The following PRDM6 variants were observed in gnomAD, a reference collection of about 807,000 sequenced individuals.
PRDM6 encodes PR/SET domain 6.
In PRDM6, 25 loss-of-function variants were observed where a neutral mutation model predicts 60.8. The observed-to-expected ratio is 0.41, with a 90% confidence interval of 0.30 to 0.57. PRDM6 has a LOEUF of 0.57. Among genes scored for constraint, PRDM6 ranks in the 20% least tolerant of loss-of-function variants. The probability of loss-of-function intolerance (pLI) is 0.27; values close to 1 mark genes in which losing one functional copy is unlikely to be tolerated. For synonymous variants in PRDM6, 407 were observed against 357.4 expected, an observed-to-expected ratio of 1.14 and a Z score of -1.57; for missense variants, 839 against 821.3, an observed-to-expected ratio of 1.02 and a Z score of -0.26.
chr5:123,125,661 G>T (rs943454346), intron 3 of PRDM6, among the ~76,000 whole-genome samples: 9 of 152,218 alleles, frequency 5.9e-5, no homozygotes, highest in African/African-American at 2.2e-4. Flanking sequence ...TAAGGAAGAA[G>T]TTACCTTGTA....
At chr5:123,109,233 G>A (rs941584818) in intron 3 of PRDM6, among the ~76,000 whole-genome samples, 3 of 152,116 alleles carry the variant, frequency 2.0e-5, no homozygotes, top group African/African-American at 7.2e-5. Context: ...GCTTTTTAAG[G>A]TAGGGAGACA....
intron 3 of PRDM6, among the ~76,000 whole-genome samples, chr5:123,110,990 A>G (rs1009699757): frequency 6.6e-6 from 1 of 152,268 alleles, no homozygotes. Flanking sequence ...CATGATCTGC[A>G]TATCAGCTCT....
At chr5:123,138,886 T>C (rs1765033047) in intron 3 of PRDM6, among the ~76,000 whole-genome samples, 1 of 152,208 alleles carries the variant, frequency 6.6e-6, no homozygotes, top group African/African-American at 2.4e-5. Context: ...TGATATGGTT[T>C]TGCTCTGTGT....
intron 3 of PRDM6, among the ~76,000 whole-genome samples, chr5:123,122,106 T>C (rs1764594199): frequency 1.5e-5 from 2 of 129,576 alleles, no homozygotes; most frequent in South Asian, 4.8e-4. Context: ...GAGTTTGCAG[T>C]GAGCCGAGAT....
rs1213483385 is a variant in PRDM6, at chr5:123,190,130, T to C, written c.*2929T>C. On this transcript the variant is annotated 3_prime_UTR_variant, in exon 8 of 8. Transcript: ENST00000407847. ...AGAAAGGTAGTCTGTCAGAGCTGAA[T>C]CAGGGTTTGGCTCTTGAAGCAATCC... is the stretch of plus-strand genomic sequence containing the variant. The C allele has an allele frequency of 6.6e-6, 1 of 152,228 alleles. No individual in the cohort carries two copies. Among genetic ancestry groups the C allele is most frequent in the Admixed American group, 6.5e-5 (1 of 15,274 alleles). The allele number at this position is 152,228 out of a possible 1,614,324, so 9.4% of individuals were successfully genotyped here.
intron 7 of PRDM6, among the ~76,000 whole-genome samples, chr5:123,185,667 C>G (rs1005966227): frequency 1.3e-5 from 2 of 152,218 alleles, no homozygotes; most frequent in African/African-American, 4.8e-5. Context: ...GTTCTTCCCC[C>G]TGACACACTC....
rs73796827 is a variant in PRDM6 at position 123,104,242 on chromosome 5, T to C, written c.900+4281T>C. On this transcript the variant is annotated intron_variant, in intron 3 of 7. Transcript: ENST00000407847. ...TATTACACATTGCTAAATGTTTATA[T>C]TTCAAAACCATCATAGGTAATTGGT... Among the ~76,000 whole-genome samples the C allele has an allele frequency of 6.0e-3, 912 of 152,232 alleles. 10 individuals are homozygous for C. Among genetic ancestry groups the C allele is most frequent in the African/African-American group, 0.02 (845 of 41,558 alleles).
chr5:123,158,701 C>T (rs1472906040), intron 4 of PRDM6, among the ~76,000 whole-genome samples: 2 of 152,136 alleles, frequency 1.3e-5, no homozygotes, highest in Admixed American at 1.3e-4. Flanking sequence ...CTGCTACAGC[C>T]AATTCCTTAC....
intron 3 of PRDM6, among the ~76,000 whole-genome samples, chr5:123,116,808 G>A (rs553470804): frequency 1.3e-5 from 2 of 152,194 alleles, no homozygotes; most frequent in South Asian, 4.2e-4. Context: ...AATAGACTGG[G>A]GAGAAATAGT....
chr5:123,111,707 CA>C lies in PRDM6; in HGVS notation c.900+11756del, dbSNP rs70988559. Among the ~76,000 whole-genome samples, 955 of 103,880 alleles carry C rather than the reference CA, an allele frequency of 9.2e-3. 9 individuals are homozygous for C. The highest frequency in any genetic ancestry group is 0.029 in the African/African-American group (906 of 31,490). The allele number at this position is 103,880 out of a possible 152,430, so 68.1% of individuals were successfully genotyped here. ...AGCGAGAAAACAAAACAAAACAAAA[CA>C]AAAAAAAAACAAAATGCCAGTCTCG... On this transcript the variant is annotated intron_variant, in intron 3 of 7. Coordinates refer to ENST00000407847, the MANE Select transcript of PRDM6 (RefSeq NM_001136239.4).
At chr5:123,121,097 C>G (rs1580494676) in intron 3 of PRDM6, among the ~76,000 whole-genome samples, 1 of 152,010 alleles carries the variant, frequency 6.6e-6, no homozygotes, top group Non-Finnish European at 1.5e-5. Flanking sequence ...AAATTTCTTA[C>G]TTTGTGCAAA....
At chr5:123,177,710 G>T (rs532632593) in intron 6 of PRDM6, among the ~76,000 whole-genome samples, 1 of 152,218 alleles carries the variant, frequency 6.6e-6, no homozygotes, top group South Asian at 2.1e-4. Flanking sequence ...ATCTTGGGAG[G>T]CAGTGTATTG....
intron 3 of PRDM6, among the ~76,000 whole-genome samples, chr5:123,145,518 G>A (rs1266322774): frequency 6.6e-6 from 1 of 152,154 alleles, no homozygotes; most frequent in Non-Finnish European, 1.5e-5. Context: ...GGATCTTGAT[G>A]GGGAGGAAAC....
At chr5:123,134,221 A>G (rs1018605873) in intron 3 of PRDM6, among the ~76,000 whole-genome samples, 6 of 152,158 alleles carry the variant, frequency 3.9e-5, no homozygotes, top group South Asian at 2.1e-4. Flanking sequence ...TGATTTTATT[A>G]CTACATTTGA....
Position 123,151,805 on chromosome 5 carries a change from G to A in PRDM6, c.901-4079G>A, listed in dbSNP as rs191145061. Among the ~76,000 whole-genome samples, 4 of 152,188 alleles carry A rather than the reference G, an allele frequency of 2.6e-5. 1 individual carries two copies. The highest frequency in any genetic ancestry group is 9.6e-5 in the African/African-American group (4 of 41,516). On this transcript the variant is annotated intron_variant, in intron 3 of 7. Transcript: ENST00000407847. ...CCTTGGGCCCCTAGAGGTGTCCTGG[G>A]AACTGTCTCAGAGAGTCATAGTGGG...
chr5:123,162,268 G>A (rs1561867437), intron 5 of PRDM6, among the ~76,000 whole-genome samples: 1 of 152,174 alleles, frequency 6.6e-6, no homozygotes, highest in African/African-American at 2.4e-5. Flanking sequence ...GCATTGAGGG[G>A]TTGGAGTAGA....
chr5:123,123,788 T>C (rs184202529), intron 3 of PRDM6, among the ~76,000 whole-genome samples: 75 of 152,296 alleles, frequency 4.9e-4, no homozygotes, highest in African/African-American at 1.7e-3. Context: ...TGATTTCTTA[T>C]CTGGCTTTTC....
chr5:123,142,903 C>CCAAAGAAAAAAAAAAAAAAAAAAA (rs1765143929), intron 3 of PRDM6, among the ~76,000 whole-genome samples: 1 of 68,128 alleles, frequency 1.5e-5, no homozygotes, highest in African/African-American at 5.9e-5. Context: ...AAAAAAAAAA[C>CCAAAGAAAAAAAAAAAAAAAAAAA]AAACAAACCA....
chr5:123,184,298 G>T (rs2126893206), intron 7 of PRDM6, among the ~76,000 whole-genome samples: 1 of 152,220 alleles, frequency 6.6e-6, no homozygotes, highest in African/African-American at 2.4e-5. Flanking sequence ...AGTAAAGAAT[G>T]ATCTCAAACT....
Sources: gnomAD v4.1 joint callset for allele counts (sites outside exome capture counted in the v4.1 genomes callset) on GRCh38, gnomAD v4.1.1 for gene constraint, MANE v1.5 for transcripts, NCBI Gene and HGNC (gene_info 2026-07-23, HGNC 2026-07-21) for gene names.